The following KIF19 variants were observed in gnomAD, a reference collection of about 807,000 sequenced individuals.
The protein encoded by KIF19 is kinesin-like protein KIF19.
Under a neutral mutation model 106.6 loss-of-function variants are expected in KIF19, and 98 were observed. The ratio of observed to expected loss-of-function variants is 0.92; its 90% CI spans 0.78 to 1.09. KIF19 has a LOEUF of 1.09. KIF19 is among the 50% of genes least tolerant of loss of function. The probability of loss-of-function intolerance (pLI) is 0.00; values close to 1 mark genes in which losing one functional copy is unlikely to be tolerated. For missense variants in KIF19, 1,373 were observed against 1,414.3 expected, an observed-to-expected ratio of 0.97 and a Z score of 0.47; for synonymous variants, 516 against 584.2, an observed-to-expected ratio of 0.88 and a Z score of 1.68.
chr17:74,345,985 A>G (rs1013170023), intron 7 of KIF19, among the ~76,000 whole-genome samples: 1 of 152,158 alleles, frequency 6.6e-6, no homozygotes, highest in East Asian at 1.9e-4. Context: ...CTCCACCACC[A>G]TGCACATGTG....
intron 2 of KIF19, among the ~76,000 whole-genome samples, chr17:74,337,491 GA>G (rs2054251537): frequency 6.6e-6 from 1 of 152,190 alleles, no homozygotes; most frequent in African/African-American, 2.4e-5. Context: ...TTTCTCACAA[GA>G]AACCCCAGTG....
At position 74,351,996 on chromosome 17, in the gene KIF19, G is replaced by A. The variant is rs1432713169; in HGVS notation, c.1717G>A (p.Glu573Lys). 1.3e-6 allele frequency: 2 copies of A among 1,544,512 alleles called. No homozygotes were observed. The highest frequency in any genetic ancestry group is 1.7e-6 in the Non-Finnish European group (2 of 1,153,572). The stretch of plus-strand genomic sequence containing the variant: ...CCTGCTGTGCCGCGTGCACGAGCTC[G>A]AGGTGGAGAACACCGAGATGCAGTC... Reference protein sequence around the residue: ...LSLLCRVHELEVENTEMQSHA... With the variant: ...LSLLCRVHELKVENTEMQSHA... Residue 573 changes from glutamate to lysine, a missense_variant, in exon 13 of 20, where the codon GAG becomes AAG. Coordinates refer to ENST00000389916, the MANE Select transcript of KIF19 (RefSeq NM_153209.4).
chr17:74,338,767 C>G (rs183240530), intron 2 of KIF19, among the ~76,000 whole-genome samples: 1 of 152,046 alleles, frequency 6.6e-6, no homozygotes, highest in Admixed American at 6.5e-5. Context: ...ACTGGGCATT[C>G]TAAATCCGCA....
At chr17:74,352,987 C>A in intron 15 of KIF19, 33 bp downstream of exon 15, 1 of 1,612,016 alleles carries the variant, frequency 6.2e-7, no homozygotes, top group Non-Finnish European at 8.5e-7. Flanking sequence ...CAGCCCCCAC[C>A]CTGTGCCCTG....
intron 10 of KIF19, 87 bp from the exon 11 acceptor site, chr17:74,350,314 A>C: frequency 7.6e-7 from 1 of 1,312,058 alleles, no homozygotes; most frequent in East Asian, 2.5e-5. Flanking sequence ...GTTGGGAAGA[A>C]AAGGAGGGGA....
intron 5 of KIF19, 32 bp from the exon 6 acceptor site, chr17:74,344,191 T>A: frequency 1.3e-6 from 2 of 1,591,514 alleles, no homozygotes; most frequent in Non-Finnish European, 1.7e-6. Flanking sequence ...TTAGTCTCCC[T>A]TCCCCCACCC....
Position 74,354,502 on chromosome 17 carries a change from G to C in KIF19, c.2649G>C (p.Ser883=). 6.2e-7 allele frequency: 1 copy of C among 1,604,784 alleles called. No homozygotes were observed. Among genetic ancestry groups the C allele is most frequent in the South Asian group, 1.1e-5 (1 of 89,476 alleles). The change falls in exon 18 of 20, where the codon TCG becomes TCC. Residue 883 remains serine, a synonymous_variant. Transcript: ENST00000389916. Reference sequence around the variant, plus strand: ...GCCTGGGCAAGAAAAGGGAGGAGTCGCTGGAGGCAAAGAGAAGGAAGCGGA... The same window carrying C: ...GCCTGGGCAAGAAAAGGGAGGAGTCCCTGGAGGCAAAGAGAAGGAAGCGGA... ...KKSLGKKREE[S]LEAKRRKRRS...
rs1168759654 is a variant in KIF19, at chr17:74,350,427, G to T, written c.1240G>T (p.Gly414Cys). 1 of 1,606,126 alleles carries T rather than the reference G, an allele frequency of 6.2e-7. No individual in the cohort carries two copies. The highest frequency in any genetic ancestry group is 1.3e-5 in the African/African-American group (1 of 74,956). Residue 414 changes from glycine to cysteine, a missense_variant, in exon 11 of 20, where the codon GGT becomes TGT. Coordinates refer to ENST00000389916, the MANE Select transcript of KIF19 (RefSeq NM_153209.4). ...QAEVQLHSGQ[G>C]EKAGMGQLRE... ...TGAGGTCCAGCTGCACAGCGGGCAG[G>T]GTGAGAAGGCTGGCATGGGACAGCT...
Position 74,344,355 on chromosome 17 carries a change from T to TCCTGGAGCC in KIF19, c.582+7_582+8insCCTGGAGCC. The TCCTGGAGCC allele has an allele frequency of 1.9e-6, 3 of 1,611,444 alleles. No homozygotes were observed. In the South Asian group the frequency reaches 3.3e-5, roughly 18 times the overall value. On this transcript the variant is annotated splice_region_variant and intron_variant, in intron 6 of 19. Coordinates refer to ENST00000389916, the MANE Select transcript of KIF19 (RefSeq NM_153209.4). The stretch of plus-strand genomic sequence containing the variant: ...CACCATCAATGCCAAGGAGGCGAGT[T>TCCTGGAGCC]TTGTGTGGCCAGCCTGGAGCCGCTG...
intron 19 of KIF19, 92 bp from the exon 20 acceptor site, chr17:74,355,090 G>T: frequency 6.5e-7 from 1 of 1,542,806 alleles, no homozygotes; most frequent in Non-Finnish European, 8.8e-7. Context: ...TCCTGGGGTG[G>T]TGCCCCTAGA....
At chr17:74,352,978 A>G in intron 15 of KIF19, 24 bp downstream of exon 15, 2 of 1,612,590 alleles carry the variant, frequency 1.2e-6, no homozygotes, top group Non-Finnish European at 8.5e-7. Context: ...CACCTGCCCC[A>G]GCCCCCACCC....
chr17:74,353,168 GC>G (rs759057467), intron 15 of KIF19, 27 bp from the exon 16 acceptor site: 7 of 1,541,152 alleles, frequency 4.5e-6, no homozygotes, highest in Non-Finnish European at 6.2e-6. Context: ...CTGGTCTACA[GC>G]CACTCATCTT....
chr17:74,334,581 A>T (rs2054177212), intron 2 of KIF19, among the ~76,000 whole-genome samples: 1 of 152,114 alleles, frequency 6.6e-6, no homozygotes, highest in South Asian at 2.1e-4. Flanking sequence ...TGGTGGCTTT[A>T]TGAGCTCAGC....
At position 74,352,146 on chromosome 17, in the gene KIF19, C is replaced by G; in HGVS notation, c.1858+9C>G. The G allele has an allele frequency of 6.3e-7, 1 of 1,583,600 alleles. No homozygotes were observed. The highest frequency in any genetic ancestry group is 1.1e-5 in the South Asian group (1 of 87,682). On this transcript the variant is annotated intron_variant, in intron 13 of 19. Transcript: ENST00000389916. ...GCGGCAGATCATCGACGGTAGGGCCCACGCCCCCGCGCATCTGAGCCACCC... is the reference window on the plus strand; with the variant it reads ...GCGGCAGATCATCGACGGTAGGGCCGACGCCCCCGCGCATCTGAGCCACCC...
At chr17:74,337,007 G>A (rs1187223258) in intron 2 of KIF19, among the ~76,000 whole-genome samples, 1 of 151,970 alleles carries the variant, frequency 6.6e-6, no homozygotes, top group Non-Finnish European at 1.5e-5. Flanking sequence ...TGTATTTTTA[G>A]TATTTTAGTA....
In KIF19 at chr17:74,354,521, A is replaced by G. The variant is rs760720893; in HGVS notation, c.2668A>G (p.Lys890Glu). The G allele has an allele frequency of 1.9e-6, 3 of 1,602,902 alleles. No individual in the cohort carries two copies. In the South Asian group the frequency reaches 3.4e-5, roughly 18 times the overall value. ...GGAGTCGCTGGAGGCAAAGAGAAGG[A>G]AGCGGAGGTCCCGATCCTTCGAGGT... The part of the protein sequence containing the change: ...REESLEAKRR[K>E]RRSRSFEVTG... The change falls in exon 18 of 20, where the codon AAG becomes GAG. Residue 890 changes from lysine (K) to glutamate (E), a missense_variant. By Grantham distance (56) the Lys-to-Glu change is moderately conservative. Coordinates refer to ENST00000389916, the MANE Select transcript of KIF19 (RefSeq NM_153209.4).
At chr17:74,344,614 C>T (rs2054477703) in intron 6 of KIF19, 147 bp from the exon 7 acceptor site, 1 of 933,028 alleles carries the variant, frequency 1.1e-6, no homozygotes, top group East Asian at 2.6e-5. Flanking sequence ...CGCCAGGCCT[C>T]TCAGCACACG....
chr17:74,330,603 G>C (rs1387917000), intron 2 of KIF19, among the ~76,000 whole-genome samples: 3 of 152,202 alleles, frequency 2.0e-5, no homozygotes, highest in Admixed American at 1.3e-4. Flanking sequence ...CTGCGTGGGG[G>C]CTGATAAATA....
chr17:74,329,791 G>T (rs1471955284), intron 2 of KIF19, among the ~76,000 whole-genome samples: 2 of 152,216 alleles, frequency 1.3e-5, no homozygotes, highest in Non-Finnish European at 2.9e-5. Context: ...AGTGGGCTTG[G>T]TGCCCAGGTA....
Sources: gnomAD v4.1 joint callset for allele counts (sites outside exome capture counted in the v4.1 genomes callset) on GRCh38, gnomAD v4.1.1 for gene constraint, MANE v1.5 for transcripts, NCBI Gene and HGNC (gene_info 2026-07-23, HGNC 2026-07-21) for gene names.